Variants in PCDHA7 observed in about 807,000 individuals in gnomAD.
PCDHA7 encodes protocadherin alpha-7.
A neutral mutation model predicts 57.2 loss-of-function variants in PCDHA7; 37 were observed. That is an observed-to-expected ratio of 0.65 (90% CI 0.50 to 0.85). The LOEUF (loss-of-function observed/expected upper bound fraction) is 0.85, where lower values mean the gene tolerates loss of function less well. Ranked by LOEUF, PCDHA7 falls within the 40% of genes least tolerant of loss-of-function variation. The pLI is 0.00. For missense variants in PCDHA7, 1,188 were observed against 1,241.8 expected, an observed-to-expected ratio of 0.96 and a Z score of 0.65; for synonymous variants, 553 against 558.8, an observed-to-expected ratio of 0.99 and a Z score of 0.15.
chr5:140,865,121 A>G (rs1247954384), intron 1 of PCDHA7: 9 of 152,186 alleles, frequency 5.9e-5, no homozygotes, highest in African/African-American at 2.2e-4. Context: ...TTGTGGTGTT[A>G]ATTATACCTT....
chr5:140,837,936 C>T (rs1775324254), intron 1 of PCDHA7, among the ~76,000 whole-genome samples: 1 of 151,834 alleles, frequency 6.6e-6, no homozygotes, highest in Non-Finnish European at 1.5e-5. Context: ...ACCTTGGCCT[C>T]CCAAAGTATT....
intron 1 of PCDHA7, among the ~76,000 whole-genome samples, chr5:140,921,878 A>C (rs2153562324): frequency 6.6e-6 from 1 of 152,204 alleles, no homozygotes; most frequent in South Asian, 2.1e-4. Context: ...TATATATATA[A>C]GATTTTAGAA....
At chr5:141,000,833 G>A (rs1554257850) in intron 3 of PCDHA7, among the ~76,000 whole-genome samples, 2 of 151,930 alleles carry the variant, frequency 1.3e-5, no homozygotes, top group Non-Finnish European at 2.9e-5. Flanking sequence ...CTTGAGTCCA[G>A]GAGATCCAGT....
chr5:140,917,336 G>C (rs1183036523), intron 1 of PCDHA7, among the ~76,000 whole-genome samples: 1 of 144,856 alleles, frequency 6.9e-6, no homozygotes, highest in Non-Finnish European at 1.5e-5. Context: ...GGGGAGGGGG[G>C]GGATGGTGTA....
chr5:140,950,914 T>G (rs1198787949), intron 1 of PCDHA7, among the ~76,000 whole-genome samples: 1 of 152,044 alleles, frequency 6.6e-6, no homozygotes, highest in Non-Finnish European at 1.5e-5. Context: ...TTTATTTTAT[T>G]TCAGTTCTTT....
chr5:140,997,668 TTGTG>T lies in PCDHA7; in HGVS notation c.2504-11933_2504-11930del, dbSNP rs35184029. On this transcript the variant is annotated intron_variant, in intron 3 of 3. Coordinates refer to ENST00000525929, the MANE Select transcript of PCDHA7 (RefSeq NM_018910.3). ...AATGCAATATGTATTATTATACAGC[TTGTG>T]TGTGTGTGTGTGTGTGTGTGTGTGT... Among the ~76,000 whole-genome samples, 716 of 148,202 alleles carry T rather than the reference TTGTG, an allele frequency of 4.8e-3. 2 individuals carry two copies. The highest frequency in any genetic ancestry group is 0.01 in the Middle Eastern group (3 of 294).
chr5:140,857,746 G>C lies in PCDHA7; in HGVS notation c.2355+21008G>C. 5.0e-6 allele frequency: 8 copies of C among 1,597,368 alleles called. No homozygotes were observed. In the South Asian group the frequency reaches 8.8e-5, roughly 18 times the overall value. On this transcript the variant is annotated intron_variant, in intron 1 of 3. Coordinates refer to ENST00000525929, the MANE Select transcript of PCDHA7 (RefSeq NM_018910.3). ...ACGACAACGCTCCCGCGCTGCTGGC[G>C]TCTCCCGCTGGCAGCGCGGGCGGTG...
intron 1 of PCDHA7, among the ~76,000 whole-genome samples, chr5:140,904,653 A>AGT (rs2071298480): frequency 6.6e-6 from 1 of 152,104 alleles, no homozygotes; most frequent in Non-Finnish European, 1.5e-5. Context: ...TGTTTTCCAT[A>AGT]GTGGTTGTAC....
intron 1 of PCDHA7, chr5:140,876,422 A>G: frequency 1.2e-6 from 2 of 1,613,978 alleles, no homozygotes; most frequent in Non-Finnish European, 1.7e-6. Context: ...AATGCCTATG[A>G]AATTCAGGTT....
At chr5:140,932,415 T>C (rs1183410119) in intron 1 of PCDHA7, among the ~76,000 whole-genome samples, 2 of 151,922 alleles carry the variant, frequency 1.3e-5, no homozygotes, top group African/African-American at 4.8e-5. Context: ...GTTATATTAG[T>C]GTATTGTTCA....
intron 1 of PCDHA7, chr5:140,870,871 G>T (rs1257856778): frequency 1.2e-6 from 2 of 1,613,826 alleles, no homozygotes; most frequent in African/African-American, 2.7e-5. Context: ...GGGCCACGTG[G>T]TGGCGAAGGT....
intron 3 of PCDHA7, among the ~76,000 whole-genome samples, chr5:140,990,384 T>A (rs2097391380): frequency 6.6e-6 from 1 of 152,186 alleles, no homozygotes; most frequent in Non-Finnish European, 1.5e-5. Context: ...TTGTTGGTGA[T>A]GTTCCAAGAA....
chr5:140,930,072 C>G (rs2086579078), intron 1 of PCDHA7: 1 of 152,132 alleles, frequency 6.6e-6, no homozygotes, highest in Admixed American at 6.5e-5. Flanking sequence ...AACTGTAAGC[C>G]TCTCTCATAA....
chr5:140,957,630 C>A (rs2095372065), intron 1 of PCDHA7, among the ~76,000 whole-genome samples: 1 of 152,000 alleles, frequency 6.6e-6, no homozygotes, highest in Non-Finnish European at 1.5e-5. Context: ...CACACACTTT[C>A]AGAAATGCAC....
intron 3 of PCDHA7, among the ~76,000 whole-genome samples, chr5:140,984,683 T>A (rs1481664684): frequency 6.6e-6 from 1 of 152,200 alleles, no homozygotes; most frequent in East Asian, 1.9e-4. Flanking sequence ...GGACTCAATA[T>A]ATGTTCTGCA....
intron 1 of PCDHA7, among the ~76,000 whole-genome samples, chr5:140,931,490 C>T (rs1209591038): frequency 6.6e-6 from 1 of 151,888 alleles, no homozygotes; most frequent in Non-Finnish European, 1.5e-5. Flanking sequence ...ACCCTTCAAA[C>T]CAAATTTTTA....
chr5:140,968,330 G>A (rs1314697989), intron 1 of PCDHA7: 2 of 1,613,974 alleles, frequency 1.2e-6, no homozygotes, highest in East Asian at 2.2e-5. Context: ...CACCTCCTAT[G>A]TCTCCATTAA....
chr5:140,848,973 G>A, intron 1 of PCDHA7: 1 of 1,600,934 alleles, frequency 6.2e-7, no homozygotes, highest in South Asian at 1.1e-5. Context: ...CGCGTCCGAT[G>A]CAGATATCGG....
intron 3 of PCDHA7, among the ~76,000 whole-genome samples, chr5:141,000,900 G>A (rs1020896392): frequency 6.6e-6 from 1 of 151,614 alleles, no homozygotes; most frequent in African/African-American, 2.4e-5. Flanking sequence ...AGATATAGAC[G>A]CTGTCTCTAA....
Sources: allele counts gnomAD v4.1 joint callset (sites outside exome capture counted in the v4.1 genomes callset), GRCh38; gene constraint gnomAD v4.1.1; transcripts MANE v1.5; gene names NCBI Gene and HGNC (gene_info 2026-07-23, HGNC 2026-07-21).